EBF1: variants seen among roughly 807,000 people sequenced by gnomAD.
EBF1 encodes EBF transcription factor 1, also known as transcription factor COE1.
EBF1 carries 10 observed loss-of-function variants against 68.4 expected under a neutral mutation model. The ratio of observed to expected loss-of-function variants is 0.15; its 90% CI spans 0.09 to 0.25. The LOEUF is 0.25. Among genes scored for constraint, EBF1 ranks in the 10% least tolerant of loss-of-function variants. The pLI, the probability that EBF1 is intolerant of heterozygous loss-of-function variation, is 1.00. For synonymous variants in EBF1, 298 were observed against 299.8 expected (o/e 0.99, Z 0.06); for missense variants, 509 against 794.4 (o/e 0.64, Z 4.32).
chr5:158,833,320 A>G (rs1233005434), intron 7 of EBF1, among the ~76,000 whole-genome samples: 1 of 151,892 alleles, frequency 6.6e-6, no homozygotes, highest in East Asian at 1.9e-4. Flanking sequence ...AAAGAAAAAA[A>G]GAGAGGTTTT....
intron 6 of EBF1, among the ~76,000 whole-genome samples, chr5:159,060,933 T>TACACACACACACACACACAC (rs72070397): frequency 7.0e-6 from 1 of 143,694 alleles, no homozygotes; most frequent in Non-Finnish European, 1.5e-5. Context: ...TAAAGCTACA[T>TACACACACACACACACACAC]ACACACACAC....
At chr5:158,736,809 A>G (rs1765279522) in intron 10 of EBF1, among the ~76,000 whole-genome samples, 1 of 152,270 alleles carries the variant, frequency 6.6e-6, no homozygotes, top group Non-Finnish European at 1.5e-5. Flanking sequence ...GGTAAACAAT[A>G]AAACAGCAAG....
intron 6 of EBF1, among the ~76,000 whole-genome samples, chr5:158,963,080 C>T (rs1298506335): frequency 1.3e-5 from 2 of 152,178 alleles, no homozygotes; most frequent in Non-Finnish European, 2.9e-5. Context: ...ACTACAATCA[C>T]GTATCTCCTT....
chr5:158,716,255 C>CT lies in EBF1; in HGVS notation c.1126-2074dup, dbSNP rs899718803. On this transcript the variant is annotated intron_variant, in intron 11 of 15. Transcript: ENST00000313708. ...TAGAGTTTTTCAATGACAAAATCTA[C>CT]TTTTTTTTTTCTCCTTATGTCGATA... is the stretch of plus-strand genomic sequence containing the variant. Among the ~76,000 whole-genome samples, 710 of 149,992 alleles carry CT rather than the reference C, an allele frequency of 4.7e-3. 2 individuals are homozygous for CT. The highest frequency in any genetic ancestry group is 0.015 in the African/African-American group (600 of 40,938).
At chr5:158,912,847 C>A (rs1806309207) in intron 6 of EBF1, among the ~76,000 whole-genome samples, 1 of 152,178 alleles carries the variant, frequency 6.6e-6, no homozygotes, top group African/African-American at 2.4e-5. Flanking sequence ...AGATGTAGCA[C>A]ATGAAAAAGG....
At chr5:159,084,761 T>G in intron 4 of EBF1, 22 bp from the exon 5 acceptor site, 1 of 1,565,936 alleles carries the variant, frequency 6.4e-7, no homozygotes, top group Non-Finnish European at 8.6e-7. Context: ...AGCACAGTTT[T>G]AGCTAAGAAT....
chr5:158,958,596 A>G lies in EBF1; in HGVS notation c.554+114800T>C, dbSNP rs145594387. On this transcript the variant is annotated intron_variant, in intron 6 of 15. Coordinates refer to ENST00000313708, the MANE Select transcript of EBF1 (RefSeq NM_024007.5). ...AGCATGTTTTTCATAGGCTATCGCT[A>G]TTACCTAAATTATAGGCCTGTTGCT... Among the ~76,000 whole-genome samples the G allele has an allele frequency of 1.9e-4, 29 of 152,248 alleles. No homozygotes were observed. In the East Asian group the frequency reaches 5.4e-3, roughly 28 times the overall value.
chr5:158,823,954 G>A (rs1785441568), intron 7 of EBF1, among the ~76,000 whole-genome samples: 1 of 151,930 alleles, frequency 6.6e-6, no homozygotes, highest in Non-Finnish European at 1.5e-5. Context: ...AAAACTGGTG[G>A]GAATGGCCCA....
intron 6 of EBF1, among the ~76,000 whole-genome samples, chr5:159,001,847 A>T (rs1429207721): frequency 6.6e-6 from 1 of 152,186 alleles, no homozygotes; most frequent in Non-Finnish European, 1.5e-5. Context: ...GTTCCTCAGG[A>T]GAGTGGGAGC....
At chr5:158,858,173 C>A (rs1327306551) in intron 6 of EBF1, among the ~76,000 whole-genome samples, 1 of 152,180 alleles carries the variant, frequency 6.6e-6, no homozygotes, top group African/African-American at 2.4e-5. Flanking sequence ...GTGATGACAG[C>A]CACCAGAATT....
intron 11 of EBF1, among the ~76,000 whole-genome samples, chr5:158,719,794 A>G (rs1761549923): frequency 6.6e-6 from 1 of 152,192 alleles, no homozygotes; most frequent in African/African-American, 2.4e-5. Flanking sequence ...TTAGATTTTG[A>G]GACTCTGGGA....
chr5:158,933,344 T>C (rs187417552), intron 6 of EBF1, among the ~76,000 whole-genome samples: 1 of 152,266 alleles, frequency 6.6e-6, no homozygotes, highest in African/African-American at 2.4e-5. Context: ...TAATTACAAC[T>C]AAAATGAAGA....
At position 159,095,603 on chromosome 5, in the gene EBF1, A is replaced by G; in HGVS notation, c.411+17T>C. 2 of 1,613,536 alleles carry G rather than the reference A, an allele frequency of 1.2e-6. No individual in the cohort carries two copies. Among genetic ancestry groups the G allele is most frequent in the Non-Finnish European group, 1.7e-6 (2 of 1,179,718 alleles). On this transcript the variant is annotated intron_variant, in intron 4 of 15. Coordinates refer to ENST00000313708, the MANE Select transcript of EBF1 (RefSeq NM_024007.5). ...TGTGACATAGAGCCCCCCGTGGCCC[A>G]AAATCAAGAAACTTACTTGTTTTGT...
At chr5:158,878,873 AC>A (rs1798301950) in intron 6 of EBF1, among the ~76,000 whole-genome samples, 1 of 152,052 alleles carries the variant, frequency 6.6e-6, no homozygotes, top group Non-Finnish European at 1.5e-5. Context: ...CAAACTCCCG[AC>A]CTCAAGTGTT....
At chr5:159,092,616 A>C (rs1268318476) in intron 4 of EBF1, among the ~76,000 whole-genome samples, 1 of 152,216 alleles carries the variant, frequency 6.6e-6, no homozygotes, top group Non-Finnish European at 1.5e-5. Context: ...GTTTATGGAA[A>C]TGTAGAATGC....
intron 6 of EBF1, among the ~76,000 whole-genome samples, chr5:158,846,792 G>A (rs895574112): frequency 6.6e-6 from 1 of 152,230 alleles, no homozygotes; most frequent in African/African-American, 2.4e-5. Flanking sequence ...TAAGGGTAAA[G>A]GTTGCTCACT....
intron 5 of EBF1, among the ~76,000 whole-genome samples, chr5:159,079,396 C>T (rs1464367231): frequency 2.0e-5 from 3 of 152,144 alleles, no homozygotes; most frequent in Non-Finnish European, 4.4e-5. Context: ...TTAGTTTCTT[C>T]ACTGCCGACA....
At chr5:159,014,028 T>C (rs1410813168) in intron 6 of EBF1, among the ~76,000 whole-genome samples, 1 of 152,220 alleles carries the variant, frequency 6.6e-6, no homozygotes, top group Non-Finnish European at 1.5e-5. Context: ...TATAGTTACA[T>C]CAACATTGGG....
intron 10 of EBF1, among the ~76,000 whole-genome samples, chr5:158,736,357 C>G (rs1005220853): frequency 1.3e-5 from 2 of 152,186 alleles, no homozygotes; most frequent in African/African-American, 4.8e-5. Context: ...GCTTTGGGTG[C>G]CATTCCAACA....
Sources: gnomAD v4.1 joint callset for allele counts (sites outside exome capture counted in the v4.1 genomes callset) on GRCh38, gnomAD v4.1.1 for gene constraint, MANE v1.5 for transcripts, NCBI Gene and HGNC (gene_info 2026-07-23, HGNC 2026-07-21) for gene names.